Variants in SPAG9 observed in about 807,000 individuals in gnomAD.
The protein encoded by SPAG9 is C-Jun-amino-terminal kinase-interacting protein 4.
A neutral mutation model predicts 166.5 loss-of-function variants in SPAG9; 35 were observed. The observed-to-expected ratio is 0.21, with a 90% CI of 0.16 to 0.28. SPAG9 has a LOEUF of 0.28. Among genes scored for constraint, SPAG9 ranks in the 10% least tolerant of loss-of-function variants. The pLI is 1.00. For missense variants in SPAG9, 1,235 were observed against 1,603.3 expected (o/e 0.77, Z 3.92); for synonymous variants, 534 against 565.5 (o/e 0.94, Z 0.79).
chr17:50,972,343 C>T (rs1160883266), intron 28 of SPAG9, among the ~76,000 whole-genome samples: 2 of 152,220 alleles, frequency 1.3e-5, no homozygotes, highest in Non-Finnish European at 2.9e-5. Flanking sequence ...TCATAATTAA[C>T]ATTTAAATTT....
At chr17:51,117,708 C>CAAAAAA (rs397856959) in intron 1 of SPAG9, among the ~76,000 whole-genome samples, 2 of 41,730 alleles carry the variant, frequency 4.8e-5, no homozygotes, top group African/African-American at 1.2e-4. Context: ...GACTCCGTCT[C>CAAAAAA]AAAAAAAAAA....
chr17:51,060,329 C>G (rs2047470962), intron 2 of SPAG9, among the ~76,000 whole-genome samples: 1 of 151,746 alleles, frequency 6.6e-6, no homozygotes, highest in South Asian at 2.1e-4. Context: ...ATGGTGAAAC[C>G]CTGTTTCTAC....
intron 7 of SPAG9, 86 bp from the exon 8 acceptor site, chr17:51,020,344 G>C (rs2045893173): frequency 7.4e-6 from 6 of 815,566 alleles, no homozygotes; most frequent in East Asian, 2.6e-5. Context: ...TGGGTGTAAA[G>C]GTATCATTTG....
rs937820367 is a variant in SPAG9, at chr17:50,989,493, TGGGG to T, written c.2813+180_2813+183del. On this transcript the variant is annotated intron_variant, in intron 21 of 29. Transcript: ENST00000262013. Reference sequence around the variant, plus strand: ...TAAATTGGAAGGTGTACAGAAGAAATGGGGGGGAATATCCAGCGAGAATGATGGA... The same window carrying T: ...TAAATTGGAAGGTGTACAGAAGAAATGGGAATATCCAGCGAGAATGATGGA... The T allele has an allele frequency of 4.6e-6, 3 of 654,598 alleles. No individual in the cohort carries two copies. The African/African-American group carries it at 5.4e-5, about 12-fold the overall frequency. 40.5% of individuals were successfully genotyped at this position (654,598 alleles called of 1,614,324 possible).
intron 25 of SPAG9, 73 bp from the exon 26 acceptor site, chr17:50,979,990 C>T: frequency 7.3e-7 from 1 of 1,374,878 alleles, no homozygotes; most frequent in South Asian, 1.2e-5. Context: ...TGCTAATTTG[C>T]ACAAGTTAGC....
At chr17:51,062,689 C>T (rs2047550205) in intron 2 of SPAG9, among the ~76,000 whole-genome samples, 1 of 152,178 alleles carries the variant, frequency 6.6e-6, no homozygotes, top group African/African-American at 2.4e-5. Context: ...CTGCCAGGTT[C>T]GAGCAATTCT....
intron 1 of SPAG9, among the ~76,000 whole-genome samples, chr17:51,093,123 C>T (rs2048514599): frequency 6.7e-6 from 1 of 149,496 alleles, no homozygotes; most frequent in Admixed American, 6.7e-5. Flanking sequence ...GCTTGTAATC[C>T]CAGCACTTTG....
intron 1 of SPAG9, among the ~76,000 whole-genome samples, chr17:51,086,096 G>A (rs865840015): frequency 9.9e-5 from 15 of 151,256 alleles, no homozygotes; most frequent in African/African-American, 3.4e-4. Flanking sequence ...AGCCTCTGGA[G>A]TAGCTGAATC....
intron 28 of SPAG9, among the ~76,000 whole-genome samples, chr17:50,971,870 C>T (rs975257131): frequency 6.6e-6 from 1 of 152,110 alleles, no homozygotes; most frequent in Admixed American, 6.5e-5. Context: ...GGGGTTCAAA[C>T]AATTCTCTTG....
intron 8 of SPAG9, among the ~76,000 whole-genome samples, chr17:51,016,879 C>T (rs780581702): frequency 6.6e-5 from 10 of 151,536 alleles, no homozygotes; most frequent in Non-Finnish European, 1.3e-4. Context: ...CCAGCCTGGG[C>T]GACAAAGCGA....
At chr17:51,109,765 A>C (rs1335282947) in intron 1 of SPAG9, among the ~76,000 whole-genome samples, 1 of 151,924 alleles carries the variant, frequency 6.6e-6, no homozygotes, top group Non-Finnish European at 1.5e-5. Flanking sequence ...AGGCTGGAGC[A>C]CAGTGGCATG....
Position 51,066,567 on chromosome 17 carries a change from G to GAAAAAAAAA in SPAG9, c.425-10094_425-10086dup, listed in dbSNP as rs71149340. On this transcript the variant is annotated intron_variant, in intron 2 of 29. Coordinates refer to ENST00000262013, the MANE Select transcript of SPAG9 (RefSeq NM_001130528.3). ...GAGACTCTGTCTCAAAAAAAAAAAA[G>GAAAAAAAAA]AAAAAAAAAAAAAAGACCATGGCTC... 4.9e-3 allele frequency among the ~76,000 whole-genome samples: 547 copies of GAAAAAAAAA among 110,804 alleles called. 31 individuals carry two copies. The highest frequency in any genetic ancestry group is 0.01 in the African/African-American group (283 of 28,098). 72.7% of individuals were successfully genotyped at this position (110,804 alleles called of 152,430 possible). A position where few individuals can be genotyped will look rare whatever the true frequency, so the allele number is the denominator to read the frequency against.
chr17:51,105,215 G>A (rs548848605), intron 1 of SPAG9, among the ~76,000 whole-genome samples: 2 of 152,292 alleles, frequency 1.3e-5, no homozygotes, highest in South Asian at 4.1e-4. Context: ...TTCTTAGAAA[G>A]AAAGCCCAGG....
At chr17:51,082,539 T>A (rs570828091) in intron 1 of SPAG9, among the ~76,000 whole-genome samples, 3 of 152,274 alleles carry the variant, frequency 2.0e-5, no homozygotes, top group Middle Eastern at 3.4e-3. Context: ...TTCCATGAAG[T>A]CAGGGATTTT....
intron 1 of SPAG9, among the ~76,000 whole-genome samples, chr17:51,107,387 A>C (rs182908335): frequency 6.6e-6 from 1 of 151,906 alleles, no homozygotes; most frequent in Admixed American, 6.6e-5. Context: ...CATCCCTACC[A>C]AAAAAAATTA....
intron 13 of SPAG9, 94 bp downstream of exon 13, chr17:51,001,621 G>T: frequency 8.2e-7 from 1 of 1,219,730 alleles, no homozygotes; most frequent in Non-Finnish European, 1.1e-6. Context: ...AAAGGGGCTT[G>T]GATCTTACAG....
intron 24 of SPAG9, among the ~76,000 whole-genome samples, chr17:50,984,687 A>AAAAAT (rs932108319): frequency 6.6e-6 from 1 of 152,198 alleles, no homozygotes; most frequent in Non-Finnish European, 1.5e-5. Context: ...CTCTGTCTCA[A>AAAAAT]AAAATAAAAT....
intron 27 of SPAG9, chr17:50,975,742 C>T: frequency 2.9e-6 from 2 of 683,304 alleles, no homozygotes; most frequent in Non-Finnish European, 5.0e-6. Flanking sequence ...TGCTGCGATG[C>T]AGTGACTGCA....
At chr17:51,009,551 C>T (rs927105173) in intron 9 of SPAG9, among the ~76,000 whole-genome samples, 1 of 152,194 alleles carries the variant, frequency 6.6e-6, no homozygotes. Context: ...ACTGCGTCCT[C>T]ACCATCACCT....
Sources: gnomAD v4.1 joint callset for allele counts (sites outside exome capture counted in the v4.1 genomes callset) on GRCh38, gnomAD v4.1.1 for gene constraint, MANE v1.5 for transcripts, NCBI Gene and HGNC (gene_info 2026-07-23, HGNC 2026-07-21) for gene names.